The following CPA6 variants were observed in gnomAD, a reference collection of about 807,000 sequenced individuals.
CPA6 encodes carboxypeptidase A6, also known as carboxypeptidase B.
A neutral mutation model predicts 63.3 loss-of-function variants in CPA6; 58 were observed. That is an observed-to-expected ratio of 0.92 (90% CI 0.74 to 1.14). The LOEUF is 1.14. CPA6 is among the 50% of genes most tolerant of loss of function. The probability of loss-of-function intolerance (pLI) is 0.00; values close to 1 mark genes in which losing one functional copy is unlikely to be tolerated. For missense variants in CPA6, 565 were observed against 526.6 expected, an observed-to-expected ratio of 1.07 and a Z score of -0.71; for synonymous variants, 185 against 179.0, an observed-to-expected ratio of 1.03 and a Z score of -0.27.
At chr8:67,474,469 C>A (rs1034001259) in intron 8 of CPA6, among the ~76,000 whole-genome samples, 1 of 152,094 alleles carries the variant, frequency 6.6e-6, no homozygotes, top group Admixed American at 6.5e-5. Flanking sequence ...GATCCACCCA[C>A]CTCGGCTTCC....
intron 2 of CPA6, among the ~76,000 whole-genome samples, chr8:67,594,619 C>T (rs1814241992): frequency 6.6e-6 from 1 of 151,988 alleles, no homozygotes; most frequent in Non-Finnish European, 1.5e-5. Context: ...TCCCTTCTTG[C>T]TTCATTTATT....
At chr8:67,664,263 G>A (rs1231093982) in intron 1 of CPA6, among the ~76,000 whole-genome samples, 1 of 152,196 alleles carries the variant, frequency 6.6e-6, no homozygotes, top group African/African-American at 2.4e-5. Flanking sequence ...GGGTCACCCA[G>A]ATCTACCCCT....
At chr8:67,560,020 G>A (rs1024242253) in intron 2 of CPA6, among the ~76,000 whole-genome samples, 14 of 151,826 alleles carry the variant, frequency 9.2e-5, no homozygotes, top group Admixed American at 2.6e-4. Flanking sequence ...AAATCTGTTG[G>A]CACCTTGATC....
chr8:67,596,604 T>G (rs1814343622), intron 2 of CPA6, among the ~76,000 whole-genome samples: 1 of 152,134 alleles, frequency 6.6e-6, no homozygotes, highest in South Asian at 2.1e-4. Context: ...TAATTTAAGT[T>G]GTATTTCACA....
chr8:67,425,900 T>G (rs1809871438), intron 10 of CPA6, among the ~76,000 whole-genome samples: 1 of 140,846 alleles, frequency 7.1e-6, no homozygotes, highest in Non-Finnish European at 1.6e-5. Context: ...TTTTCTTTTC[T>G]TTTTTTTTTT....
rs150457680 is a variant in CPA6, at chr8:67,710,111, T to C, written c.116+35903A>G. Among the ~76,000 whole-genome samples the C allele has an allele frequency of 7.6e-3, 989 of 130,800 alleles. 10 individuals carry two copies. The highest frequency in any genetic ancestry group is 0.026 in the African/African-American group (883 of 33,410). 85.8% of individuals were successfully genotyped at this position (130,800 alleles called of 152,430 possible). ...CTGGGCAACAGAGCGAGACTTGGTT[T>C]CAAAAAAAAAAAAGATTTTCTGATT... On this transcript the variant is annotated intron_variant, in intron 1 of 10. Transcript: ENST00000297770.
intron 8 of CPA6, among the ~76,000 whole-genome samples, chr8:67,440,769 C>T (rs1172987432): frequency 1.1e-4 from 16 of 151,832 alleles, no homozygotes; most frequent in Non-Finnish European, 2.4e-4. Flanking sequence ...TGTATCTAAA[C>T]ATGGAAAAGG....
intron 2 of CPA6, among the ~76,000 whole-genome samples, chr8:67,580,640 A>G (rs897786348): frequency 3.9e-5 from 6 of 152,178 alleles, no homozygotes; most frequent in Non-Finnish European, 8.8e-5. Flanking sequence ...GTGTACGTAC[A>G]TGCATGTGTG....
intron 8 of CPA6, among the ~76,000 whole-genome samples, chr8:67,481,014 T>TTAAAAAAA (rs1811350236): frequency 6.6e-6 from 1 of 152,236 alleles, no homozygotes; most frequent in African/African-American, 2.4e-5. Flanking sequence ...TAAATTGGGT[T>TTAAAAAAA]ACTTGTGTTT....
chr8:67,745,333 TAATAAG>T (rs1481617466), intron 1 of CPA6, among the ~76,000 whole-genome samples: 3 of 150,238 alleles, frequency 2.0e-5, no homozygotes, highest in Admixed American at 6.6e-5. Context: ...GCCTTCAGGA[TAATAAG>T]AATGTGCATA....
intron 8 of CPA6, chr8:67,483,442 CA>C: frequency 2.7e-6 from 1 of 370,060 alleles, no homozygotes; most frequent in East Asian, 5.9e-5. Context: ...AAGATTTAAC[CA>C]GAATTATACT....
At chr8:67,490,094 A>AATACGACGTC (rs1811572356) in intron 6 of CPA6, among the ~76,000 whole-genome samples, 7 of 152,136 alleles carry the variant, frequency 4.6e-5, no homozygotes, top group Non-Finnish European at 8.8e-5. Context: ...CGACGTGATG[A>AATACGACGTC]CTGTTAAATA....
chr8:67,491,124 A>C (rs1811595110), intron 6 of CPA6, among the ~76,000 whole-genome samples: 1 of 152,032 alleles, frequency 6.6e-6, no homozygotes, highest in Non-Finnish European at 1.5e-5. Context: ...AGGACTGGTA[A>C]ACACTGCGGC....
chr8:67,694,838 T>G (rs545475397), intron 1 of CPA6, among the ~76,000 whole-genome samples: 5 of 152,304 alleles, frequency 3.3e-5, no homozygotes, highest in African/African-American at 1.2e-4. Flanking sequence ...CTTTGAGCAG[T>G]GCATCTGGTT....
intron 1 of CPA6, among the ~76,000 whole-genome samples, chr8:67,640,941 G>A (rs1327203900): frequency 6.6e-6 from 1 of 151,694 alleles, no homozygotes; most frequent in South Asian, 2.1e-4. Flanking sequence ...AGGGAGTGAG[G>A]TTGAGGCAGC....
intron 6 of CPA6, among the ~76,000 whole-genome samples, chr8:67,488,803 C>T (rs1383441760): frequency 2.0e-5 from 3 of 152,092 alleles, no homozygotes; most frequent in Non-Finnish European, 2.9e-5. Context: ...GTATTTTATT[C>T]TCTTTGTAGC....
intron 2 of CPA6, among the ~76,000 whole-genome samples, chr8:67,584,223 T>A (rs1467145069): frequency 1.3e-5 from 2 of 152,106 alleles, no homozygotes; most frequent in Non-Finnish European, 2.9e-5. Context: ...GTTTGCAGTT[T>A]CAATGATGAA....
intron 2 of CPA6, among the ~76,000 whole-genome samples, chr8:67,612,942 G>A (rs1057314893): frequency 6.6e-5 from 10 of 152,182 alleles, no homozygotes; most frequent in African/African-American, 2.4e-4. Flanking sequence ...CCTGAGCTCT[G>A]ACTTTCAAAT....
chr8:67,636,011 A>G (rs1039644071), intron 1 of CPA6, among the ~76,000 whole-genome samples: 2 of 151,568 alleles, frequency 1.3e-5, no homozygotes, highest in African/African-American at 4.9e-5. Context: ...TCAGATATTC[A>G]CCCTATCCCC....
Sources: allele counts gnomAD v4.1 joint callset (sites outside exome capture counted in the v4.1 genomes callset), GRCh38; gene constraint gnomAD v4.1.1; transcripts MANE v1.5; gene names NCBI Gene and HGNC (gene_info 2026-07-23, HGNC 2026-07-21).